Variants in DHRSX observed in about 807,000 individuals in gnomAD.
The protein encoded by DHRSX is polyprenol dehydrogenase.
In DHRSX, 31 loss-of-function variants were observed where a neutral mutation model predicts 34.0. The observed-to-expected ratio is 0.91, with a 90% CI of 0.69 to 1.23. The LOEUF (loss-of-function observed/expected upper bound fraction) is 1.23. Among genes scored for constraint, DHRSX ranks in the 50% most tolerant of loss-of-function variants. The probability of loss-of-function intolerance (pLI) is 0.00; values close to 1 mark genes in which losing one functional copy is unlikely to be tolerated. For missense variants in DHRSX, 414 were observed against 428.1 expected, an observed-to-expected ratio of 0.97 and a Z score of 0.29; for synonymous variants, 201 against 183.8, an observed-to-expected ratio of 1.09 and a Z score of -0.76.
rs181936117 is a variant in DHRSX, at chrX:2,406,192, T to C, written c.286+2553A>G. Among the ~76,000 whole-genome samples the C allele has an allele frequency of 7.1e-3, 1,071 of 151,846 alleles. 27 individuals carry two copies. Among genetic ancestry groups the C allele is most frequent in the East Asian group, 0.018 (92 of 5,018 alleles). ...CTGTAATCTCAGCTACTCAGGAGGC[T>C]GAGGCAGAAGAATCGCTTGAACCTG... On this transcript the variant is annotated intron_variant, in intron 3 of 6. Transcript: ENST00000334651.
At chrX:2,253,544 G>C (rs760168314) in intron 5 of DHRSX, among the ~76,000 whole-genome samples, 31 of 152,318 alleles carry the variant, frequency 2.0e-4, no homozygotes, top group Non-Finnish European at 5.9e-5. Flanking sequence ...CAGCAAAGAT[G>C]GCGCCACTGC....
chrX:2,351,265 A>G (rs2042785945), intron 3 of DHRSX, among the ~76,000 whole-genome samples: 1 of 152,226 alleles, frequency 6.6e-6, no homozygotes, highest in South Asian at 2.1e-4. Context: ...AAAGAAAGTC[A>G]AAGACAGTTT....
intron 1 of DHRSX, among the ~76,000 whole-genome samples, chrX:2,469,324 G>A (rs767686000): frequency 1.7e-4 from 23 of 138,148 alleles, no homozygotes; most frequent in African/African-American, 4.4e-4. Flanking sequence ...ATAAGGGACC[G>A]CCGCCATGTA....
intron 5 of DHRSX, among the ~76,000 whole-genome samples, chrX:2,257,928 G>A (rs2041301589): frequency 6.6e-6 from 1 of 152,040 alleles, no homozygotes; most frequent in Non-Finnish European, 1.5e-5. Context: ...TGCCCGGCCG[G>A]AGATGGGGTC....
chrX:2,224,918 C>T (rs1215668495), intron 6 of DHRSX, among the ~76,000 whole-genome samples: 2 of 150,718 alleles, frequency 1.3e-5, no homozygotes, highest in Admixed American at 1.3e-4. Flanking sequence ...CACGTACACA[C>T]ACATTCACAT....
intron 3 of DHRSX, among the ~76,000 whole-genome samples, chrX:2,306,926 CTTTT>C (rs779898766): frequency 8.3e-5 from 11 of 132,162 alleles, no homozygotes; most frequent in East Asian, 4.6e-4. Context: ...GGTCTTGGGG[CTTTT>C]TTTTTTTTTT....
rs1464227008 is a variant in DHRSX, at chrX:2,437,748, T to C, written c.110-12444A>G. 9.5e-5 allele frequency among the ~76,000 whole-genome samples: 14 copies of C among 146,998 alleles called. No individual in the cohort carries two copies. The Admixed American group carries it at 9.7e-4, about 10-fold the overall frequency. ...GTGTGTGTGTGTCACAGTCCTCAAATTTGGGAGAGTAAAGTGAAGATGACC... is the reference window on the plus strand; with the variant it reads ...GTGTGTGTGTGTCACAGTCCTCAAACTTGGGAGAGTAAAGTGAAGATGACC... On this transcript the variant is annotated intron_variant, in intron 1 of 6. Transcript: ENST00000334651.
At chrX:2,346,252 G>GCC (rs200321544) in intron 3 of DHRSX, among the ~76,000 whole-genome samples, 21 of 30,748 alleles carry the variant, frequency 6.8e-4, no homozygotes, top group Admixed American at 3.9e-3. Flanking sequence ...CATCTGACAT[G>GCC]CCCGAGTTGT....
chrX:2,298,347 T>C (rs968295608), intron 3 of DHRSX, among the ~76,000 whole-genome samples: 46 of 149,418 alleles, frequency 3.1e-4, no homozygotes, highest in African/African-American at 1.1e-3. Flanking sequence ...TTCAATATGA[T>C]TTTATTCAAA....
intron 4 of DHRSX, 49 bp from the exon 5 acceptor site, chrX:2,266,996 A>C (rs1371544813): frequency 6.3e-7 from 1 of 1,590,678 alleles, no homozygotes. Flanking sequence ...AAGACAGTGG[A>C]GAAATCTCAC....
intron 1 of DHRSX, among the ~76,000 whole-genome samples, chrX:2,468,567 G>T (rs1431819706): frequency 2.0e-5 from 3 of 151,926 alleles, no homozygotes; most frequent in African/African-American, 7.3e-5. Context: ...GCGGCCACGG[G>T]ACTACTGCCA....
At chrX:2,476,070 G>A (rs1476268131) in intron 1 of DHRSX, among the ~76,000 whole-genome samples, 2 of 152,112 alleles carry the variant, frequency 1.3e-5, no homozygotes, top group Admixed American at 6.6e-5. Flanking sequence ...ACAGAGCCAC[G>A]GTGAGACCAG....
intron 5 of DHRSX, among the ~76,000 whole-genome samples, chrX:2,247,576 C>G (rs1386643302): frequency 1.3e-5 from 2 of 149,496 alleles, no homozygotes; most frequent in Non-Finnish European, 3.0e-5. Flanking sequence ...ATGGCGTGAA[C>G]CCGGGAGGCG....
Position 2,266,775 on chromosome X carries a change from G to C in DHRSX, c.561C>G (p.Tyr187Ter). 6.2e-7 allele frequency: 1 copy of C among 1,613,980 alleles called. No individual in the cohort carries two copies. The highest frequency in any genetic ancestry group is 8.5e-7 in the Non-Finnish European group (1 of 1,179,868). Residue 187 changes from tyrosine (Y) to a stop codon, truncating the protein, a stop_gained, in exon 5 of 7, where the codon TAC becomes TAG. Coordinates refer to ENST00000334651, the MANE Select transcript of DHRSX (RefSeq NM_145177.3). LOFTEE classifies it high-confidence loss of function. The stretch of plus-strand genomic sequence containing the variant: ...GGTCATCCATGTTCAGCTCAGCGAC[G>C]TAATGGGTGGCAGAGGAGACGGTGA... ...RVVTVSSATHYVAELNMDDLQ... is the reference protein window; with the variant it reads ...RVVTVSSATH
intron 4 of DHRSX, among the ~76,000 whole-genome samples, chrX:2,282,808 GAGAA>G (rs1262652028): frequency 1.2e-4 from 12 of 100,142 alleles, no homozygotes; most frequent in East Asian, 5.6e-4. Context: ...AGAGAGAAGA[GAGAA>G]AGAGAGAGAG....
intron 1 of DHRSX, chrX:2,488,880 T>G: frequency 1.2e-6 from 2 of 1,612,074 alleles, no homozygotes; most frequent in Non-Finnish European, 1.7e-6. Context: ...GCGACGCGCG[T>G]GGCCGTCACG....
chrX:2,485,699 AGGGG>A, intron 1 of DHRSX, among the ~76,000 whole-genome samples: 2 of 56,272 alleles, frequency 3.6e-5, no homozygotes, highest in South Asian at 2.0e-3. Context: ...GCAGAGAGGG[AGGGG>A]AGGGAGGGAA....
chrX:2,324,573 G>C (rs1027385599), intron 3 of DHRSX, among the ~76,000 whole-genome samples: 2 of 152,008 alleles, frequency 1.3e-5, no homozygotes, highest in African/African-American at 4.8e-5. Flanking sequence ...CCAGCCCCAG[G>C]TGAAAGCTCT....
At chrX:2,472,207 T>A (rs755061810) in intron 1 of DHRSX, among the ~76,000 whole-genome samples, 1 of 151,002 alleles carries the variant, frequency 6.6e-6, no homozygotes, top group Non-Finnish European at 1.5e-5. Context: ...GAGGCCATTA[T>A]CCTTAGCAAA....
Sources: allele counts gnomAD v4.1 joint callset (sites outside exome capture counted in the v4.1 genomes callset), GRCh38; gene constraint gnomAD v4.1.1; transcripts MANE v1.5; gene names NCBI Gene and HGNC (gene_info 2026-07-23, HGNC 2026-07-21).